Variants in CHL1 observed in about 807,000 individuals in gnomAD.
CHL1 encodes cell adhesion molecule L1 like.
CHL1 carries 96 observed loss-of-function variants against 141.9 expected under a neutral mutation model. That is an observed-to-expected ratio of 0.68 (90% CI 0.57 to 0.80). CHL1 has a LOEUF of 0.80. Ranked by LOEUF, CHL1 falls within the 30% of genes least tolerant of loss-of-function variation. The pLI is 0.00. For missense variants in CHL1, 1,820 were observed against 1,457.2 expected (o/e 1.25, Z -4.05); for synonymous variants, 613 against 502.2 (o/e 1.22, Z -2.95).
intron 1 of CHL1, among the ~76,000 whole-genome samples, chr3:201,630 T>A (rs1020672857): frequency 6.6e-6 from 1 of 152,206 alleles, no homozygotes; most frequent in Non-Finnish European, 1.5e-5. Flanking sequence ...GACAGTTTGG[T>A]ACATTTAGGG....
intron 2 of CHL1, among the ~76,000 whole-genome samples, chr3:270,899 T>C (rs1346429143): frequency 6.6e-6 from 1 of 152,186 alleles, no homozygotes; most frequent in African/African-American, 2.4e-5. Context: ...AGTCTCAGGG[T>C]AGTTGAACTT....
intron 1 of CHL1, among the ~76,000 whole-genome samples, chr3:241,983 T>A (rs1009061185): frequency 3.9e-5 from 6 of 152,140 alleles, no homozygotes; most frequent in African/African-American, 1.4e-4. Context: ...AAAAACAAAA[T>A]TAGAAAGACG....
At chr3:223,269 AC>A (rs1701019890) in intron 1 of CHL1, among the ~76,000 whole-genome samples, 1 of 152,240 alleles carries the variant, frequency 6.6e-6, no homozygotes, top group Admixed American at 6.5e-5. Flanking sequence ...CTGATATAAA[AC>A]AATGATACTT....
In CHL1 at chr3:361,818, G is replaced by A. The variant is rs767128138; in HGVS notation, c.1418+8G>A. ...TGAGGCAGTCGTGTCCTGGTAAGCC[G>A]GTGGCTCATGGTTTTCTTAAGAGAA... is the stretch of plus-strand genomic sequence containing the variant. On this transcript the variant is annotated splice_region_variant and intron_variant, in intron 13 of 27. Coordinates refer to ENST00000256509, the MANE Select transcript of CHL1 (RefSeq NM_006614.4). 35 of 1,546,048 alleles carry A rather than the reference G, an allele frequency of 2.3e-5. No individual in the cohort carries two copies. The highest frequency in any genetic ancestry group is 3.3e-5 in the South Asian group (3 of 89,570).
intron 10 of CHL1, among the ~76,000 whole-genome samples, chr3:353,888 C>T (rs1703478199): frequency 6.6e-6 from 1 of 152,214 alleles, no homozygotes; most frequent in African/African-American, 2.4e-5. Context: ...TTACCCCTGA[C>T]ATAGCAATAT....
intron 2 of CHL1, among the ~76,000 whole-genome samples, chr3:299,278 A>C (rs965512553): frequency 6.6e-6 from 1 of 152,204 alleles, no homozygotes; most frequent in African/African-American, 2.4e-5. Flanking sequence ...TCAATATACA[A>C]ATTAAATCTT....
intron 15 of CHL1, chr3:373,795 G>C (rs1202455031): frequency 2.6e-5 from 4 of 152,366 alleles, no homozygotes; most frequent in African/African-American, 9.7e-5. Flanking sequence ...TGTGGAAAAA[G>C]CTGGGTAGCA....
chr3:213,236 T>G (rs1410485016), intron 1 of CHL1: 1 of 152,228 alleles, frequency 6.6e-6, no homozygotes, highest in East Asian at 1.9e-4. Context: ...CACAGAGAAT[T>G]GATTCCCATG....
At chr3:395,245 C>T (rs1025683973) in intron 24 of CHL1, among the ~76,000 whole-genome samples, 5 of 152,182 alleles carry the variant, frequency 3.3e-5, no homozygotes, top group African/African-American at 1.2e-4. Flanking sequence ...ATATTTGGCT[C>T]TTCCATTGGT....
At chr3:222,316 G>A (rs572315828) in intron 1 of CHL1, among the ~76,000 whole-genome samples, 1 of 152,034 alleles carries the variant, frequency 6.6e-6, no homozygotes, top group African/African-American at 2.4e-5. Context: ...TCTAGCTCAC[G>A]GTCCTGTTGG....
intron 1 of CHL1, among the ~76,000 whole-genome samples, chr3:236,283 C>A (rs576708108): frequency 1.3e-5 from 2 of 152,308 alleles, no homozygotes; most frequent in South Asian, 4.1e-4. Flanking sequence ...CTTATTCATT[C>A]ACTCAAGAAA....
chr3:220,254 T>G (rs1418503492), intron 1 of CHL1, among the ~76,000 whole-genome samples: 3 of 152,188 alleles, frequency 2.0e-5, no homozygotes, highest in Non-Finnish European at 4.4e-5. Flanking sequence ...ATTGTACCTT[T>G]ACAAATTTGG....
At chr3:295,578 C>G (rs889728796) in intron 2 of CHL1, among the ~76,000 whole-genome samples, 1 of 151,668 alleles carries the variant, frequency 6.6e-6, no homozygotes, top group Non-Finnish European at 1.5e-5. Flanking sequence ...TTCTTCTGTT[C>G]TTAGTCATCC....
In CHL1 at chr3:325,967, G is replaced by C. The variant is rs755600043; in HGVS notation, c.100G>C (p.Val34Leu). 25 of 1,606,092 alleles carry C rather than the reference G, an allele frequency of 1.6e-5. No individual in the cohort carries two copies. Among genetic ancestry groups the C allele is most frequent in the African/African-American group, 1.5e-4 (11 of 74,534 alleles). ...CATATTTTAATATTTAGTTCAACAG[G>C]TTCCAACAATCATAAAACAGTCAAA... is the stretch of plus-strand genomic sequence containing the variant. Reference protein sequence around the residue: ...AIEIPSSVQQVPTIIKQSKVQ... With the variant: ...AIEIPSSVQQLPTIIKQSKVQ... The change falls in exon 4 of 28, where the codon GTT (valine) becomes CTT (leucine). Residue 34 changes from valine to leucine, a missense_variant. By Grantham distance (32) the Val-to-Leu change is conservative (BLOSUM62 1). Coordinates refer to ENST00000256509, the MANE Select transcript of CHL1 (RefSeq NM_006614.4).
At chr3:267,028 T>G (rs1021646029) in intron 2 of CHL1, among the ~76,000 whole-genome samples, 2 of 152,198 alleles carry the variant, frequency 1.3e-5, no homozygotes, top group African/African-American at 4.8e-5. Flanking sequence ...GTCCTTATTA[T>G]TTTTTATGTT....
chr3:229,409 A>G (rs1301663929), intron 1 of CHL1, among the ~76,000 whole-genome samples: 1 of 152,144 alleles, frequency 6.6e-6, no homozygotes, highest in Non-Finnish European at 1.5e-5. Context: ...AAATACAGAC[A>G]CAAATTCAGT....
intron 25 of CHL1, among the ~76,000 whole-genome samples, 161 bp downstream of exon 25, chr3:398,546 G>A (rs1708864538): frequency 6.6e-6 from 1 of 152,130 alleles, no homozygotes; most frequent in Admixed American, 6.5e-5. Flanking sequence ...TTATCAAAAT[G>A]AAAAATGTTT....
chr3:302,110 G>A (rs1698803142), intron 2 of CHL1, among the ~76,000 whole-genome samples: 1 of 152,190 alleles, frequency 6.6e-6, no homozygotes, highest in African/African-American at 2.4e-5. Context: ...GTATTCCATG[G>A]TGTATATGTG....
intron 13 of CHL1, among the ~76,000 whole-genome samples, chr3:362,856 C>T (rs1363194586): frequency 3.9e-5 from 6 of 152,190 alleles, no homozygotes; most frequent in Admixed American, 3.9e-4. Context: ...TTATCTCTTT[C>T]AATTACTAGC....
Sources: allele counts gnomAD v4.1 joint callset (sites outside exome capture counted in the v4.1 genomes callset), GRCh38; gene constraint gnomAD v4.1.1; transcripts MANE v1.5; gene names NCBI Gene and HGNC (gene_info 2026-07-23, HGNC 2026-07-21).